The following C2CD2 variants were observed in gnomAD, a reference collection of about 807,000 sequenced individuals.
C2CD2 encodes the protein C2 domain-containing protein 2.
In C2CD2, 43 loss-of-function variants were observed where a neutral mutation model predicts 74.3. The ratio of observed to expected loss-of-function variants is 0.58; its 90% CI spans 0.45 to 0.75. The LOEUF is 0.75. Among genes scored for constraint, C2CD2 ranks in the 30% least tolerant of loss-of-function variants. The pLI, the probability that C2CD2 is intolerant of heterozygous loss-of-function variation, is 0.00. For missense variants in C2CD2, 801 were observed against 916.3 expected (o/e 0.87, Z 1.63); for synonymous variants, 422 against 390.7 (o/e 1.08, Z -0.94).
intron 1 of C2CD2, among the ~76,000 whole-genome samples, chr21:41,947,853 G>A (rs1212366318): frequency 6.6e-6 from 1 of 152,162 alleles, no homozygotes; most frequent in East Asian, 1.9e-4. Context: ...AAGCAAACCC[G>A]CAACCAGCTC....
intron 12 of C2CD2, chr21:41,901,350 C>T (rs923448284): frequency 1.4e-5 from 7 of 511,940 alleles, no homozygotes; most frequent in African/African-American, 3.8e-5. Context: ...TCCTCTCTTT[C>T]GATAATTTTT....
At position 41,905,724 on chromosome 21, in the gene C2CD2, CTG is replaced by C; in HGVS notation, c.1430_1431del (p.Thr477ArgfsTer13). The C allele has an allele frequency of 6.4e-7, 1 of 1,554,778 alleles. No homozygotes were observed. The highest frequency in any genetic ancestry group is 8.9e-7 in the Non-Finnish European group (1 of 1,127,812). ...AGCGACGTGGGCGTGTCTCAGTTAC[CTG>C]TGTCTGAAGAAGAGAGTGTTTTGCT... is the stretch of plus-strand genomic sequence containing the variant. ...PVSKTLSSSD[T>X]ELLVLNGSDP... On this transcript the variant is annotated frameshift_variant and splice_region_variant, in exon 11 of 14. Coordinates refer to ENST00000380486, the MANE Select transcript of C2CD2 (RefSeq NM_015500.2). LOFTEE classifies it high-confidence loss of function.
At chr21:41,898,575 G>C (rs1437003119) in intron 13 of C2CD2, among the ~76,000 whole-genome samples, 1 of 152,214 alleles carries the variant, frequency 6.6e-6, no homozygotes, top group African/African-American at 2.4e-5. Context: ...ATTCCCAGGA[G>C]CTTTTCTCCC....
intron 2 of C2CD2, among the ~76,000 whole-genome samples, chr21:41,930,010 G>C (rs1601593219): frequency 6.6e-6 from 1 of 151,334 alleles, no homozygotes; most frequent in Admixed American, 6.6e-5. Flanking sequence ...ATGAAAGGGA[G>C]GAAGCGAGCA....
intron 10 of C2CD2, among the ~76,000 whole-genome samples, chr21:41,906,700 T>C (rs952287163): frequency 6.6e-6 from 1 of 152,232 alleles, no homozygotes; most frequent in African/African-American, 2.4e-5. Flanking sequence ...TAGTTGGAGT[T>C]ACACCTAAGG....
intron 13 of C2CD2, among the ~76,000 whole-genome samples, chr21:41,893,754 T>G (rs953070950): frequency 6.9e-6 from 1 of 144,174 alleles, no homozygotes; most frequent in Non-Finnish European, 1.5e-5. Context: ...CAGGCTGGAG[T>G]GCAGTGGTGC....
In C2CD2 at chr21:41,923,412, A is replaced by G. The variant is rs2065177007; in HGVS notation, c.379-1327T>C. ...AAGCCATTAGCCAAGTTCTTTTGCT[A>G]AAAATGAGTCTTAAAGAGAAAGTAA... is the stretch of plus-strand genomic sequence containing the variant. On this transcript the variant is annotated intron_variant, in intron 2 of 13. Coordinates refer to ENST00000380486, the MANE Select transcript of C2CD2 (RefSeq NM_015500.2). This position sits in a 1 kb window ranked among gnomAD's most constrained non-coding sequence, Gnocchi z 5.8. 6.6e-6 allele frequency among the ~76,000 whole-genome samples: 1 copy of G among 152,238 alleles called. No individual in the cohort carries two copies. The highest frequency in any genetic ancestry group is 6.5e-5 in the Admixed American group (1 of 15,282).
chr21:41,942,526 C>T (rs931972982), intron 1 of C2CD2, among the ~76,000 whole-genome samples: 1 of 152,090 alleles, frequency 6.6e-6, no homozygotes, highest in Non-Finnish European at 1.5e-5. Context: ...AGGAAGGCAG[C>T]GAAGGGTGTT....
At chr21:41,928,544 C>CAAAAAAAAAAAAAAAAAAAA (rs59346777) in intron 2 of C2CD2, among the ~76,000 whole-genome samples, 1 of 72,266 alleles carries the variant, frequency 1.4e-5, no homozygotes, top group Admixed American at 1.8e-4. Flanking sequence ...TAAAGCAAAG[C>CAAAAAAAAAAAAAAAAAAAA]AAAAAAAAAA....
rs111391071 is a variant in C2CD2 at position 41,895,204 on chromosome 21, C to T, written c.1870+3849G>A. Reference sequence around the variant, plus strand: ...TCAAGAATGAAGCATCAGCTCTTGCCGGGGTCTCTGGCCTGCTGCCTGCCC... The same window carrying T: ...TCAAGAATGAAGCATCAGCTCTTGCTGGGGTCTCTGGCCTGCTGCCTGCCC... On this transcript the variant is annotated intron_variant, in intron 13 of 13. Coordinates refer to ENST00000380486, the MANE Select transcript of C2CD2 (RefSeq NM_015500.2). This position sits in a 1 kb window ranked among gnomAD's most constrained non-coding sequence, Gnocchi z 5.0. Among the ~76,000 whole-genome samples the T allele has an allele frequency of 0.02, 3,103 of 152,258 alleles. 106 individuals carry two copies. The highest frequency in any genetic ancestry group is 0.071 in the African/African-American group (2,947 of 41,526).
chr21:41,933,762 C>T (rs902884668), intron 2 of C2CD2, among the ~76,000 whole-genome samples: 3 of 152,222 alleles, frequency 2.0e-5, no homozygotes, highest in Non-Finnish European at 4.4e-5. Context: ...CCCGCACTCA[C>T]AGCCCCGTGA....
chr21:41,938,187 ACAT>A (rs1381114644), intron 2 of C2CD2, among the ~76,000 whole-genome samples: 2 of 152,084 alleles, frequency 1.3e-5, no homozygotes, highest in Admixed American at 6.5e-5. Context: ...ATATATATAA[ACAT>A]CATGATGCAT....
chr21:41,887,532 T>C lies in C2CD2; in HGVS notation c.*1592A>G, dbSNP rs904795755. On this transcript the variant is annotated 3_prime_UTR_variant, in exon 14 of 14. Coordinates refer to ENST00000380486, the MANE Select transcript of C2CD2 (RefSeq NM_015500.2). ...AAATCCTATAATTTTGGTTTTCATA[T>C]AGGTTTTTACTAAAAAAGAAAAAAT... The C allele has an allele frequency of 6.6e-6, 1 of 151,900 alleles. No individual in the cohort carries two copies. Among genetic ancestry groups the C allele is most frequent in the Non-Finnish European group, 1.5e-5 (1 of 67,980 alleles). 9.4% of individuals were successfully genotyped at this position (151,900 alleles called of 1,614,324 possible). A position where few individuals can be genotyped will look rare whatever the true frequency, so the allele number is the denominator to read the frequency against.
Position 41,922,022 on chromosome 21 carries a change from CCA to C in C2CD2, c.440_441del (p.Leu147TrpfsTer32), listed in dbSNP as rs1230661266. ...ATGTCGTACAGCCGGCATCCAGCAC[CCA>C]AGGCAGGCGTCTCGCTGACCAAGAA... Reference protein sequence around the residue: ...IQFLVSETPALGAGCRLYDMR... With the variant: ...IQFLVSETPAXGAGCRLYDMR... On this transcript the variant is annotated frameshift_variant, in exon 3 of 14. Coordinates refer to ENST00000380486, the MANE Select transcript of C2CD2 (RefSeq NM_015500.2). LOFTEE classifies it high-confidence loss of function. The C allele has an allele frequency of 6.2e-7, 1 of 1,614,038 alleles. No homozygotes were observed. The highest frequency in any genetic ancestry group is 8.5e-7 in the Non-Finnish European group (1 of 1,180,000).
At position 41,924,517 on chromosome 21, in the gene C2CD2, CA is replaced by C. The variant is rs1226993205; in HGVS notation, c.379-2433del. 1.3e-5 allele frequency among the ~76,000 whole-genome samples: 2 copies of C among 151,818 alleles called. No homozygotes were observed. The highest frequency in any genetic ancestry group is 1.9e-4 in the East Asian group (1 of 5,198). On this transcript the variant is annotated intron_variant, in intron 2 of 13. Coordinates refer to ENST00000380486, the MANE Select transcript of C2CD2 (RefSeq NM_015500.2). The surrounding 1 kb of genome is among the most constrained non-coding windows in gnomAD (Gnocchi z 4.4). Reference sequence around the variant, plus strand: ...CTCCAGAGTTCACAAAGGGCCAGAACAAAAAAATGTTTGTATAAGAAATGTT... The same window carrying C: ...CTCCAGAGTTCACAAAGGGCCAGAACAAAAAATGTTTGTATAAGAAATGTT...
At chr21:41,933,433 C>T (rs763062632) in intron 2 of C2CD2, among the ~76,000 whole-genome samples, 21 of 152,146 alleles carry the variant, frequency 1.4e-4, no homozygotes, top group Non-Finnish European at 2.4e-4. Flanking sequence ...CTGAACTCAC[C>T]GAACAGTGTT....
intron 7 of C2CD2, among the ~76,000 whole-genome samples, chr21:41,911,874 A>G (rs577158025): frequency 1.3e-5 from 2 of 152,196 alleles, no homozygotes; most frequent in Admixed American, 1.3e-4. Context: ...AAATTTTTTA[A>G]AACTTTTAGT....
Position 41,907,162 on chromosome 21 carries a change from G to A in C2CD2, c.1148C>T (p.Ser383Phe). The A allele has an allele frequency of 6.2e-7, 1 of 1,613,920 alleles. No individual in the cohort carries two copies. The highest frequency in any genetic ancestry group is 2.2e-5 in the East Asian group (1 of 44,890). The change falls in exon 10 of 14, where the codon TCT becomes TTT. Residue 383 changes from serine to phenylalanine, a missense_variant. Ser to Phe is a radical substitution (Grantham distance 155). Transcript: ENST00000380486. ...TTTCAATTCACCAGGTTCCATGTAAGAGAACTGCAGAGAAGACGCGTTACT... is the reference window on the plus strand; with the variant it reads ...TTTCAATTCACCAGGTTCCATGTAAAAGAACTGCAGAGAAGACGCGTTACT... Reference protein sequence around the residue: ...SVLGSVTAEFSYMEPGELKSW... With the variant: ...SVLGSVTAEFFYMEPGELKSW...
rs995654532 is a variant in C2CD2, at chr21:41,892,439, G to A, written c.1871-3095C>T. ...GGTACTTTGATACAGCCCTGGGAGG[G>A]GAGGGGGCGCATTTGGCTTAAGGAT... On this transcript the variant is annotated intron_variant, in intron 13 of 13. Transcript: ENST00000380486. The surrounding 1 kb of genome is among the most constrained non-coding windows in gnomAD (Gnocchi z 4.6). Among the ~76,000 whole-genome samples, 1 of 152,154 alleles carries A rather than the reference G, an allele frequency of 6.6e-6. No homozygotes were observed. The highest frequency in any genetic ancestry group is 2.1e-4 in the South Asian group (1 of 4,830).
Sources: allele counts gnomAD v4.1 joint callset (sites outside exome capture counted in the v4.1 genomes callset), GRCh38; gene constraint gnomAD v4.1.1; non-coding constraint Gnocchi (gnomAD v3.1); transcripts MANE v1.5; gene names NCBI Gene and HGNC (gene_info 2026-07-23, HGNC 2026-07-21).